KLF12: variants seen among roughly 807,000 people sequenced by gnomAD.
The protein encoded by KLF12 is Krueppel-like factor 12.
In KLF12, 9 loss-of-function variants were observed where a neutral mutation model predicts 37.8. That is an observed-to-expected ratio of 0.24 (90% CI 0.14 to 0.42). KLF12 has a LOEUF of 0.42. Ranked by LOEUF, KLF12 falls within the 10% of genes least tolerant of loss-of-function variation. The probability of loss-of-function intolerance (pLI) is 1.00; values close to 1 mark genes in which losing one functional copy is unlikely to be tolerated. For synonymous variants in KLF12, 208 were observed against 202.1 expected, an observed-to-expected ratio of 1.03 and a Z score of -0.25; for missense variants, 411 against 516.0, an observed-to-expected ratio of 0.80 and a Z score of 1.97.
intron 3 of KLF12, among the ~76,000 whole-genome samples, chr13:73,901,637 C>T (rs1404647740): frequency 6.6e-6 from 1 of 152,094 alleles, no homozygotes; most frequent in Non-Finnish European, 1.5e-5. Context: ...CAGCCCCTGA[C>T]TAATAGGTTC....
intron 7 of KLF12, among the ~76,000 whole-genome samples, chr13:73,701,812 T>C (rs1874578318): frequency 6.6e-6 from 1 of 151,990 alleles, no homozygotes; most frequent in African/African-American, 2.4e-5. Context: ...CCATGATAAA[T>C]CCTTAGGCCA....
the KLF12 span, among the ~76,000 whole-genome samples, chr13:74,187,534 T>C: frequency 0.011 from 1,655 of 152,248 alleles, 37 homozygotes; most frequent in African/African-American, 0.038. Context: ...ACTCACTAAA[T>C]TTTTTTGTTG....
intron 3 of KLF12, among the ~76,000 whole-genome samples, chr13:73,854,995 CCT>C (rs2138752934): frequency 6.6e-6 from 1 of 152,300 alleles, no homozygotes; most frequent in South Asian, 2.1e-4. Flanking sequence ...TCTTTTCCTA[CCT>C]CTCCTGGAAA....
At chr13:73,707,375 A>C (rs1354364048) in intron 7 of KLF12, among the ~76,000 whole-genome samples, 1 of 152,198 alleles carries the variant, frequency 6.6e-6, no homozygotes, top group Non-Finnish European at 1.5e-5. Context: ...TTAGGGGCCA[A>C]AGAGATTGAA....
intron 3 of KLF12, among the ~76,000 whole-genome samples, chr13:73,921,891 C>A (rs78342488): frequency 0.011 from 1,623 of 152,248 alleles, 32 homozygotes; most frequent in African/African-American, 0.035. Flanking sequence ...AGAAATACTA[C>A]ACCACTATTA....
chr13:73,963,284 T>TAC (rs10543490), intron 2 of KLF12, among the ~76,000 whole-genome samples: 3,704 of 145,202 alleles, frequency 0.026, 118 homozygotes, highest in African/African-American at 0.08. Context: ...GAGTCATTTA[T>TAC]ACACACACAC....
rs78044456 is a variant in KLF12 at position 74,029,887 on chromosome 13, G to A, written c.-31-34834C>T. Among the ~76,000 whole-genome samples the A allele has an allele frequency of 9.5e-3, 1,438 of 152,142 alleles. 18 individuals are homozygous for A. The highest frequency in any genetic ancestry group is 0.056 in the East Asian group (290 of 5,176). On this transcript the variant is annotated intron_variant, in intron 1 of 7. Coordinates refer to ENST00000377669, the MANE Select transcript of KLF12 (RefSeq NM_007249.5). ...GTGCATATCCAGAGCCAGGCACAAG[G>A]AAGCTGAAGTGAAAAAGTATGGAAA...
chr13:74,189,488 G>GC, the KLF12 span, among the ~76,000 whole-genome samples: 4 of 152,186 alleles, frequency 2.6e-5, no homozygotes, highest in African/African-American at 7.2e-5. Context: ...CCATTCAACA[G>GC]CCCCCATGAT....
At chr13:73,853,769 C>G (rs1375058190) in intron 3 of KLF12, among the ~76,000 whole-genome samples, 2 of 151,876 alleles carry the variant, frequency 1.3e-5, no homozygotes, top group Admixed American at 1.3e-4. Context: ...AGCAGACATT[C>G]CCAAGGACTG....
intron 1 of KLF12, among the ~76,000 whole-genome samples, chr13:74,038,555 A>G (rs1164212256): frequency 6.6e-6 from 1 of 152,182 alleles, no homozygotes; most frequent in African/African-American, 2.4e-5. Flanking sequence ...CATATATATT[A>G]TAGTCCAGCT....
At chr13:73,711,855 T>G (rs1875424507) in intron 7 of KLF12, among the ~76,000 whole-genome samples, 1 of 152,138 alleles carries the variant, frequency 6.6e-6, no homozygotes, top group South Asian at 2.1e-4. Flanking sequence ...CAAATTAAAT[T>G]TAAAAACCCC....
intron 5 of KLF12, among the ~76,000 whole-genome samples, chr13:73,786,695 C>T (rs9543458): frequency 0.013 from 1,799 of 138,100 alleles, 15 homozygotes; most frequent in Middle Eastern, 0.039. Context: ...CCAGCCTGGG[C>T]AACATGGAAA....
chr13:73,841,500 G>C (rs1160668887), intron 4 of KLF12, among the ~76,000 whole-genome samples: 3 of 152,130 alleles, frequency 2.0e-5, no homozygotes. Context: ...ACAGCCCACA[G>C]CTGCGGGTTG....
chr13:74,266,754 A>G, the KLF12 span, among the ~76,000 whole-genome samples: 16 of 152,308 alleles, frequency 1.1e-4, no homozygotes, highest in African/African-American at 3.6e-4. Context: ...ATGGTAAATG[A>G]TTGTACTTCT....
rs1361239778 is a variant in KLF12 at position 73,813,241 on chromosome 13, G to A, written c.717C>T (p.Asp239=). The change falls in exon 5 of 8, where the codon GAC becomes GAT. Residue 239 remains aspartate, a synonymous_variant. Transcript: ENST00000377669. ...CATTTGGCAGGTCATCATCATCACT[G>A]TCACTTTTACTTTGTCTGGGAGATA... The A allele has an allele frequency of 6.2e-7, 1 of 1,613,990 alleles. No individual in the cohort carries two copies. Among genetic ancestry groups the A allele is most frequent in the Admixed American group, 1.7e-5 (1 of 60,004 alleles).
intron 1 of KLF12, among the ~76,000 whole-genome samples, chr13:74,022,520 T>C (rs1892866570): frequency 1.3e-5 from 2 of 152,224 alleles, no homozygotes; most frequent in Admixed American, 6.5e-5. Flanking sequence ...ATGGCATTTT[T>C]CAAATTTTTT....
intron 4 of KLF12, among the ~76,000 whole-genome samples, chr13:73,819,700 T>C (rs904976386): frequency 9.2e-5 from 14 of 151,890 alleles, no homozygotes; most frequent in Admixed American, 6.6e-5. Context: ...TATAGAAAAA[T>C]GAAGCAGGGA....
chr13:73,695,763 C>T (rs1384314262), intron 7 of KLF12, 92 bp from the exon 8 acceptor site: 1 of 1,202,426 alleles, frequency 8.3e-7, no homozygotes, highest in South Asian at 1.4e-5. Flanking sequence ...CTGGTGTTCT[C>T]AATGAATTTT....
At chr13:73,813,037 T>G in intron 5 of KLF12, 115 bp downstream of exon 5, 1 of 1,070,362 alleles carries the variant, frequency 9.3e-7, no homozygotes, top group Non-Finnish European at 1.4e-6. Flanking sequence ...GCTGCTGACA[T>G]TCGTGCCAGT....
Sources: allele counts gnomAD v4.1 joint callset (sites outside exome capture counted in the v4.1 genomes callset), GRCh38; gene constraint gnomAD v4.1.1; transcripts MANE v1.5; gene names NCBI Gene and HGNC (gene_info 2026-07-23, HGNC 2026-07-21).